MAP4K5: variants seen among roughly 807,000 people sequenced by gnomAD.
The protein encoded by MAP4K5 is MAPK/ERK kinase kinase kinase 5.
Under a neutral mutation model 135.6 loss-of-function variants are expected in MAP4K5, and 82 were observed. That is an observed-to-expected ratio of 0.60 (90% CI 0.51 to 0.73). MAP4K5 has a LOEUF of 0.73. Among genes scored for constraint, MAP4K5 ranks in the 30% least tolerant of loss-of-function variants. The pLI is 0.00. For missense variants in MAP4K5, 907 were observed against 1,010.9 expected, an observed-to-expected ratio of 0.90 and a Z score of 1.39; for synonymous variants, 347 against 335.0, an observed-to-expected ratio of 1.04 and a Z score of -0.39.
At position 50,437,458 on chromosome 14, in the gene MAP4K5, G is replaced by A; in HGVS notation, c.1882+18C>T. 1.9e-6 allele frequency: 3 copies of A among 1,575,698 alleles called. No homozygotes were observed. The highest frequency in any genetic ancestry group is 2.6e-6 in the Non-Finnish European group (3 of 1,154,612). On this transcript the variant is annotated intron_variant, in intron 26 of 32. Transcript: ENST00000682126. ...TAAAAGTTCTAACCATTCAGTTTGA[G>A]AAATACCATTTACTCACCTATGCAA...
rs1177883564 is a variant in MAP4K5, at chr14:50,419,437, TAAA to T, written c.*579_*581del. On this transcript the variant is annotated 3_prime_UTR_variant, in exon 33 of 33. Transcript: ENST00000682126. Reference sequence around the variant, plus strand: ...AACACTCAAAGTACTTTACTACTCTTAAAAGATAAACAAAATTCTTATACATTA... The same window carrying T: ...AACACTCAAAGTACTTTACTACTCTTAGATAAACAAAATTCTTATACATTA... The T allele has an allele frequency of 6.6e-6, 1 of 152,290 alleles. No homozygotes were observed. The highest frequency in any genetic ancestry group is 1.9e-4 in the East Asian group (1 of 5,206). 9.4% of individuals were successfully genotyped at this position (152,290 alleles called of 1,614,324 possible).
intron 3 of MAP4K5, among the ~76,000 whole-genome samples, chr14:50,493,953 A>G (rs1030939348): frequency 2.1e-4 from 32 of 151,352 alleles, no homozygotes; most frequent in African/African-American, 7.0e-4. Context: ...ATGCCACCGC[A>G]CTCCAGCCTG....
chr14:50,546,473 AAGTAAAT>A (rs1227114683), intron 1 of MAP4K5, among the ~76,000 whole-genome samples: 6 of 152,170 alleles, frequency 3.9e-5, no homozygotes, highest in Non-Finnish European at 5.9e-5. Flanking sequence ...CTTGGCTTAT[AAGTAAAT>A]GAGTACTCAC....
At chr14:50,456,795 A>ACTT in intron 13 of MAP4K5, 1 of 454,184 alleles carries the variant, frequency 2.2e-6, no homozygotes, top group Non-Finnish European at 3.9e-6. Flanking sequence ...AATACTGAAG[A>ACTT]GATTCAAAGA....
At chr14:50,482,656 A>G (rs543544669) in intron 5 of MAP4K5, 9 of 316,290 alleles carry the variant, frequency 2.8e-5, no homozygotes, top group South Asian at 1.6e-4. Context: ...GCGCACCTGT[A>G]GTCCCAGCTA....
At chr14:50,524,801 G>C (rs1312648138) in intron 2 of MAP4K5, among the ~76,000 whole-genome samples, 1 of 152,162 alleles carries the variant, frequency 6.6e-6, no homozygotes, top group African/African-American at 2.4e-5. Context: ...ATTATTCTAA[G>C]ACTTTATTCT....
chr14:50,480,403 CTTT>C (rs11412178), intron 6 of MAP4K5, among the ~76,000 whole-genome samples: 2 of 143,390 alleles, frequency 1.4e-5, no homozygotes, highest in Admixed American at 1.4e-4. Context: ...CTCATTCTTT[CTTT>C]TTTTTTTTTT....
At position 50,442,757 on chromosome 14, in the gene MAP4K5, T is replaced by C. The variant is rs764924153; in HGVS notation, c.1539A>G (p.Thr513=). 27 of 1,599,180 alleles carry C rather than the reference T, an allele frequency of 1.7e-5. No homozygotes were observed. The highest frequency in any genetic ancestry group is 3.3e-4 in the Middle Eastern group (2 of 6,044). The change falls in exon 21 of 33, where the codon ACA becomes ACG. Residue 513 remains threonine, a synonymous_variant. Transcript: ENST00000682126. The stretch of plus-strand genomic sequence containing the variant: ...CTTTTGTATCAGGATGTATCCAGGA[T>C]GTTGCACAATTAATTTTCAAAGGAC... ...DGCPLKINCA[T]SWIHPDTKDQ... is the part of the protein sequence containing the mutation.
At chr14:50,542,602 A>G (rs1468941783) in intron 1 of MAP4K5, 1 of 152,230 alleles carries the variant, frequency 6.6e-6, no homozygotes, top group Non-Finnish European at 1.5e-5. Flanking sequence ...ACACAAGTAA[A>G]TCATATGGAA....
chr14:50,556,512 C>G (rs2140167782), intron 1 of MAP4K5, among the ~76,000 whole-genome samples: 1 of 152,278 alleles, frequency 6.6e-6, no homozygotes, highest in South Asian at 2.1e-4. Context: ...GCCACTGCAC[C>G]CAGCCTAATC....
rs764355743 is a variant in MAP4K5, at chr14:50,447,444, T to A, written c.1112A>T (p.Asn371Ile). The change falls in exon 16 of 33, where the codon AAT becomes ATT. Residue 371 changes from asparagine to isoleucine, a missense_variant. Asn to Ile is a moderately radical substitution (Grantham distance 149). Transcript: ENST00000682126. The stretch of plus-strand genomic sequence containing the variant: ...AGTATTTGCACCATCAACAAAAGGA[T>A]TCCACTGTAACATGAAATTTGGGTC... ...SSDPNFMLQW[N>I]PFVDGANTGK... 16 of 1,552,430 alleles carry A rather than the reference T, an allele frequency of 1.0e-5. No homozygotes were observed. In the African/African-American group the frequency reaches 2.2e-4, roughly 21 times the overall value.
intron 3 of MAP4K5, among the ~76,000 whole-genome samples, chr14:50,493,988 A>C (rs2037540611): frequency 6.7e-6 from 1 of 148,666 alleles, no homozygotes; most frequent in South Asian, 2.1e-4. Context: ...AATCCATCGC[A>C]AAAAAAAACA....
intron 9 of MAP4K5, among the ~76,000 whole-genome samples, chr14:50,469,644 C>T (rs1050118585): frequency 1.3e-5 from 2 of 152,086 alleles, no homozygotes; most frequent in Non-Finnish European, 2.9e-5. Context: ...AAGGGGTTAA[C>T]TTAAGATATA....
At chr14:50,439,332 T>TA (rs2036171357) in intron 23 of MAP4K5, among the ~76,000 whole-genome samples, 2 of 125,002 alleles carry the variant, frequency 1.6e-5, no homozygotes, top group Non-Finnish European at 1.7e-5. Context: ...TAGGTAAGAA[T>TA]TAAAAAAAAA....
chr14:50,454,441 G>A (rs1435038714), intron 14 of MAP4K5, among the ~76,000 whole-genome samples: 1 of 152,048 alleles, frequency 6.6e-6, no homozygotes, highest in Non-Finnish European at 1.5e-5. Flanking sequence ...CTGTATGTAA[G>A]CTACCACTTC....
intron 13 of MAP4K5, among the ~76,000 whole-genome samples, chr14:50,460,960 T>C (rs554006991): frequency 1.6e-4 from 24 of 152,190 alleles, no homozygotes; most frequent in South Asian, 6.2e-4. Context: ...TGAGTTAACA[T>C]AGAAATTATT....
At chr14:50,429,021 C>T (rs919989479) in intron 29 of MAP4K5, among the ~76,000 whole-genome samples, 171 bp downstream of exon 29, 1 of 152,070 alleles carries the variant, frequency 6.6e-6, no homozygotes, top group Admixed American at 6.6e-5. Context: ...AAATGGCTAC[C>T]TCGGTGCTCA....
intron 2 of MAP4K5, among the ~76,000 whole-genome samples, chr14:50,520,698 T>C (rs1299744555): frequency 1.3e-5 from 2 of 151,814 alleles, no homozygotes; most frequent in Non-Finnish European, 2.9e-5. Context: ...TAAACATAAA[T>C]ATAAAGTTCC....
intron 6 of MAP4K5, 42 bp from the exon 7 acceptor site, chr14:50,476,348 C>CTGTAAATG: frequency 9.8e-7 from 1 of 1,024,496 alleles, no homozygotes; most frequent in South Asian, 2.2e-5. Flanking sequence ...ATCAGCAAAA[C>CTGTAAATG]TGTAAATGTG....
Sources: gnomAD v4.1 joint callset for allele counts (sites outside exome capture counted in the v4.1 genomes callset) on GRCh38, gnomAD v4.1.1 for gene constraint, MANE v1.5 for transcripts, NCBI Gene and HGNC (gene_info 2026-07-23, HGNC 2026-07-21) for gene names.